ARFGEF1: variants seen among roughly 807,000 people sequenced by gnomAD.
ARFGEF1 encodes ARF guanine nucleotide exchange factor 1.
In ARFGEF1, 42 loss-of-function variants were observed where a neutral mutation model predicts 231.0. That is an observed-to-expected ratio of 0.18 (90% confidence interval 0.14 to 0.24). ARFGEF1 has a LOEUF of 0.24. ARFGEF1 is among the 10% of genes least tolerant of loss of function. ARFGEF1 has a pLI of 1.00. For synonymous variants in ARFGEF1, 710 were observed against 732.3 expected (o/e 0.97, Z 0.49); for missense variants, 1,345 against 2,192.0 (o/e 0.61, Z 7.72).
chr8:67,195,784 A>T, downstream of ARFGEF1: 1 of 561,966 alleles, frequency 1.8e-6, no homozygotes. Context: ...TTTATATAAT[A>T]GAATTGTATA....
intron 23 of ARFGEF1, among the ~76,000 whole-genome samples, 173 bp downstream of exon 23, chr8:67,232,682 C>T (rs1159291186): frequency 6.6e-6 from 1 of 151,782 alleles, no homozygotes; most frequent in Non-Finnish European, 1.5e-5. Context: ...TTCTATGATC[C>T]AAAAAGCAAA....
intron 5 of ARFGEF1, among the ~76,000 whole-genome samples, chr8:67,186,134 A>C (rs1834513174): frequency 6.6e-6 from 1 of 152,150 alleles, no homozygotes; most frequent in Non-Finnish European, 1.5e-5. Context: ...TTTGTTAAAA[A>C]TTTTCCATCA....
intron 6 of ARFGEF1, among the ~76,000 whole-genome samples, chr8:67,288,982 C>T (rs1197986853): frequency 6.6e-6 from 1 of 151,508 alleles, no homozygotes; most frequent in African/African-American, 2.4e-5. Context: ...AAATCACCAA[C>T]AACAGATAAC....
At chr8:67,190,530 C>A in intron 5 of ARFGEF1, 1 of 710,978 alleles carries the variant, frequency 1.4e-6, no homozygotes, top group Non-Finnish European at 2.5e-6. Context: ...TATGTACATA[C>A]ATTGAGTGTG....
intron 1 of ARFGEF1, among the ~76,000 whole-genome samples, chr8:67,330,416 G>T (rs1403194759): frequency 6.6e-6 from 1 of 151,980 alleles, no homozygotes; most frequent in Non-Finnish European, 1.5e-5. Flanking sequence ...TAAAAATGGG[G>T]ATTGAGGGTA....
chr8:67,231,449 G>A (rs140225603), intron 23 of ARFGEF1, among the ~76,000 whole-genome samples: 1 of 152,190 alleles, frequency 6.6e-6, no homozygotes, highest in African/African-American at 2.4e-5. Context: ...TTAAAACAGA[G>A]AGGTAATTTC....
At chr8:67,327,052 A>G (rs187164815) in intron 1 of ARFGEF1, among the ~76,000 whole-genome samples, 30 of 152,332 alleles carry the variant, frequency 2.0e-4, no homozygotes, top group Non-Finnish European at 1.5e-5. Context: ...AAAAACATTT[A>G]AATTATCCCT....
intron 1 of ARFGEF1, among the ~76,000 whole-genome samples, chr8:67,315,118 T>C (rs1807246330): frequency 6.6e-6 from 1 of 152,212 alleles, no homozygotes; most frequent in Admixed American, 6.5e-5. Flanking sequence ...GGCGTGGCTG[T>C]ATTAATATCA....
intron 22 of ARFGEF1, among the ~76,000 whole-genome samples, chr8:67,234,944 C>T (rs1201118446): frequency 1.3e-5 from 2 of 151,364 alleles, no homozygotes; most frequent in Admixed American, 6.6e-5. Context: ...AGGAATTTTA[C>T]AAAGAAAAAC....
chr8:67,314,370 C>T (rs1807210068), intron 1 of ARFGEF1, among the ~76,000 whole-genome samples: 1 of 152,166 alleles, frequency 6.6e-6, no homozygotes, highest in Non-Finnish European at 1.5e-5. Flanking sequence ...CTCCTCTAGC[C>T]AACCTCCTGA....
downstream of ARFGEF1, chr8:67,193,600 C>CA: frequency 6.2e-7 from 1 of 1,612,468 alleles, no homozygotes; most frequent in Non-Finnish European, 8.5e-7. Flanking sequence ...CCTATTAATA[C>CA]AGGTAAATGA....
intron 22 of ARFGEF1, among the ~76,000 whole-genome samples, chr8:67,237,033 A>G (rs921788081): frequency 5.3e-5 from 8 of 152,292 alleles, no homozygotes; most frequent in African/African-American, 1.9e-4. Flanking sequence ...CTACTTGCCA[A>G]AACTCAGGCC....
intron 5 of ARFGEF1, among the ~76,000 whole-genome samples, chr8:67,177,033 T>C (rs2129569336): frequency 7.4e-6 from 1 of 135,168 alleles, no homozygotes; most frequent in South Asian, 2.2e-4. Flanking sequence ...ATCGTGCCAC[T>C]GCACTCCAGC....
At chr8:67,268,349 T>C (rs1026948967) in intron 10 of ARFGEF1, among the ~76,000 whole-genome samples, 14 of 152,140 alleles carry the variant, frequency 9.2e-5, no homozygotes, top group African/African-American at 3.1e-4. Flanking sequence ...GCAGGGCACA[T>C]AGTAGGTGTT....
At chr8:67,323,589 C>G (rs1807693827) in intron 1 of ARFGEF1, among the ~76,000 whole-genome samples, 1 of 152,162 alleles carries the variant, frequency 6.6e-6, no homozygotes. Flanking sequence ...TCCAACTTCT[C>G]AAAATCATGT....
intron 1 of ARFGEF1, among the ~76,000 whole-genome samples, chr8:67,335,893 C>T (rs1224825998): frequency 3.3e-5 from 5 of 151,790 alleles, no homozygotes; most frequent in Non-Finnish European, 5.9e-5. Context: ...ATTACAGGCG[C>T]CCACTGCCAC....
chr8:67,286,087 G>A (rs1439673672), intron 7 of ARFGEF1, among the ~76,000 whole-genome samples: 1 of 152,178 alleles, frequency 6.6e-6, no homozygotes, highest in African/African-American at 2.4e-5. Flanking sequence ...CCCTAGGTAT[G>A]AAAATGGAAT....
chr8:67,274,695 AT>A (rs1225737797), intron 9 of ARFGEF1, among the ~76,000 whole-genome samples: 1 of 152,034 alleles, frequency 6.6e-6, no homozygotes, highest in Non-Finnish European at 1.5e-5. Context: ...TCAAATCACA[AT>A]TTTTACATTT....
intron 29 of ARFGEF1, among the ~76,000 whole-genome samples, chr8:67,220,214 A>G (rs750392880): frequency 6.6e-6 from 1 of 152,244 alleles, no homozygotes; most frequent in African/African-American, 2.4e-5. Context: ...ACTGAAACTC[A>G]AAACTTCCGT....
Sources: gnomAD v4.1 joint callset for allele counts (sites outside exome capture counted in the v4.1 genomes callset) on GRCh38, gnomAD v4.1.1 for gene constraint, MANE v1.5 for transcripts, NCBI Gene and HGNC (gene_info 2026-07-23, HGNC 2026-07-21) for gene names.